BAIAP2: variants seen among roughly 807,000 people sequenced by gnomAD.
BAIAP2 encodes the protein BAR/IMD domain-containing adapter protein 2.
In BAIAP2, 18 loss-of-function variants were observed where a neutral mutation model predicts 63.0. That is an observed-to-expected ratio of 0.29 (90% CI 0.20 to 0.42). The LOEUF is 0.42. Ranked by LOEUF, BAIAP2 falls within the 10% of genes least tolerant of loss-of-function variation. The pLI is 1.00. For missense variants in BAIAP2, 610 were observed against 734.3 expected (o/e 0.83, Z 1.96); for synonymous variants, 386 against 307.6 (o/e 1.25, Z -2.67).
intron 1 of BAIAP2, among the ~76,000 whole-genome samples, chr17:81,048,356 C>CAAAAAAAAAAAA (rs5822388): frequency 1.1e-5 from 1 of 90,244 alleles, no homozygotes; most frequent in Non-Finnish European, 2.2e-5. Context: ...GACTCTGTCT[C>CAAAAAAAAAAAA]AAAAAAAAAA....
intron 2 of BAIAP2, among the ~76,000 whole-genome samples, chr17:81,055,631 T>C (rs1003021167): frequency 2.1e-5 from 3 of 144,290 alleles, no homozygotes; most frequent in Non-Finnish European, 4.5e-5. Flanking sequence ...AGTGGCGCTA[T>C]CTTGGCTCCC....
chr17:81,054,757 C>T (rs1005730498), intron 2 of BAIAP2, among the ~76,000 whole-genome samples: 28 of 152,118 alleles, frequency 1.8e-4, no homozygotes, highest in African/African-American at 4.8e-4. Flanking sequence ...CTCCCTGAGA[C>T]GCTTCCCATC....
chr17:81,105,961 A>G, intron 10 of BAIAP2, 117 bp from the exon 11 acceptor site: 1 of 852,232 alleles, frequency 1.2e-6, no homozygotes. Context: ...CTGTTGCTCC[A>G]GAGACAGCCG....
chr17:81,112,937 T>G (rs1336287261), intron 13 of BAIAP2, among the ~76,000 whole-genome samples: 1 of 152,020 alleles, frequency 6.6e-6, no homozygotes, highest in Non-Finnish European at 1.5e-5. Flanking sequence ...GCGTCTGTAG[T>G]CCCAGCTTCT....
chr17:81,095,802 C>T (rs755817698), intron 6 of BAIAP2, among the ~76,000 whole-genome samples: 1 of 152,164 alleles, frequency 6.6e-6, no homozygotes, highest in Non-Finnish European at 1.5e-5. Flanking sequence ...GTGCCACTCC[C>T]AGCCATTTAC....
chr17:81,110,201 C>A (rs991479521), intron 13 of BAIAP2: 9 of 985,602 alleles, frequency 9.1e-6, no homozygotes, highest in African/African-American at 1.7e-5. Context: ...CTCCCCGTGG[C>A]CTGGGACGTG....
At chr17:81,071,967 T>G (rs956480183) in intron 3 of BAIAP2, among the ~76,000 whole-genome samples, 5 of 152,220 alleles carry the variant, frequency 3.3e-5, no homozygotes, top group African/African-American at 1.2e-4. Context: ...TCTCCTCTCG[T>G]CCGTGATCAT....
At chr17:81,110,336 T>A (rs182439371) in intron 13 of BAIAP2, 3 of 986,364 alleles carry the variant, frequency 3.0e-6, no homozygotes, top group Admixed American at 6.1e-5. Context: ...CGCTAAAGAT[T>A]TCAAATCCAG....
In BAIAP2 at chr17:81,107,110, C is replaced by T. The variant is rs1348551473; in HGVS notation, c.1500+203C>T. On this transcript the variant is annotated intron_variant, in intron 12 of 13. Transcript: ENST00000428708. ...AGGCTGCCCGCCTCGCCGCAGCAGG[C>T]TCCCTGTGTCGGCATGCTGGGGCTG... 5 of 627,224 alleles carry T rather than the reference C, an allele frequency of 8.0e-6. No individual in the cohort carries two copies. The East Asian group carries it at 1.6e-4, about 21-fold the overall frequency. 38.9% of individuals were successfully genotyped at this position (627,224 alleles called of 1,614,324 possible).
intron 1 of BAIAP2, among the ~76,000 whole-genome samples, chr17:81,038,370 G>A (rs1011001831): frequency 1.3e-5 from 2 of 152,242 alleles, no homozygotes; most frequent in East Asian, 1.9e-4. Context: ...TGGCTCCCAG[G>A]TGACCCATGA....
chr17:81,050,171 G>A (rs949915023), intron 1 of BAIAP2, among the ~76,000 whole-genome samples: 1 of 152,210 alleles, frequency 6.6e-6, no homozygotes, highest in African/African-American at 2.4e-5. Flanking sequence ...GGATGCAGAT[G>A]CAGAAGGAGG....
chr17:81,117,280 G>GACA lies in BAIAP2; in HGVS notation c.*1445_*1447dup, dbSNP rs2146262996. On this transcript the variant is annotated 3_prime_UTR_variant, in exon 14 of 14. Coordinates refer to ENST00000428708, the MANE Select transcript of BAIAP2 (RefSeq NM_001144888.2). ...ACTTTATCATCGGCAGACCTCAGAAGACAACACACAAAGGTTTCTTTTGTC... is the reference window on the plus strand; with the variant it reads ...ACTTTATCATCGGCAGACCTCAGAAGACAACAACACACAAAGGTTTCTTTTGTC... 6.6e-6 allele frequency: 1 copy of GACA among 152,290 alleles called. No individual in the cohort carries two copies. The highest frequency in any genetic ancestry group is 6.5e-5 in the Admixed American group (1 of 15,308). 9.4% of individuals were successfully genotyped at this position (152,290 alleles called of 1,614,324 possible).
At chr17:81,061,162 C>T (rs35652394) in intron 3 of BAIAP2, among the ~76,000 whole-genome samples, 13,741 of 152,216 alleles carry the variant, frequency 0.09, 711 homozygotes, top group Non-Finnish European at 0.1. Context: ...ATTCTTATTA[C>T]GGAAGATGTG....
intron 6 of BAIAP2, among the ~76,000 whole-genome samples, chr17:81,089,652 G>A (rs924814567): frequency 6.6e-6 from 1 of 152,218 alleles, no homozygotes; most frequent in Non-Finnish European, 1.5e-5. Context: ...GAGGGAGGGG[G>A]TCGTGGCCTT....
intron 1 of BAIAP2, among the ~76,000 whole-genome samples, chr17:81,050,426 G>A (rs1389788304): frequency 6.6e-6 from 1 of 152,188 alleles, no homozygotes. Flanking sequence ...AAACCTTGGT[G>A]CTGCCCCGTG....
chr17:81,101,334 G>GA (rs1259539969), intron 7 of BAIAP2, among the ~76,000 whole-genome samples: 1 of 152,104 alleles, frequency 6.6e-6, no homozygotes, highest in Non-Finnish European at 1.5e-5. Flanking sequence ...CCCCTCCTAG[G>GA]AGGCTGACTT....
Position 81,085,699 on chromosome 17 carries a change from G to A in BAIAP2, c.325G>A (p.Val109Met). ...NELLTQLEQK[V>M]ELDSRYLSAA... ...GCTGCTTACGCAGCTGGAGCAGAAGGTGGAGCTGGACTCCAGGTATCTGAG... is the reference window on the plus strand; with the variant it reads ...GCTGCTTACGCAGCTGGAGCAGAAGATGGAGCTGGACTCCAGGTATCTGAG... Residue 109 changes from valine to methionine, a missense_variant, in exon 5 of 14, where the codon GTG becomes ATG. Transcript: ENST00000428708. 6.2e-7 allele frequency: 1 copy of A among 1,613,836 alleles called. No homozygotes were observed. Among genetic ancestry groups the A allele is most frequent in the Non-Finnish European group, 8.5e-7 (1 of 1,180,012 alleles).
chr17:81,035,299 T>C lies in BAIAP2; in HGVS notation c.45T>C (p.Asn15=), dbSNP rs768279798. The C allele has an allele frequency of 4.0e-6, 6 of 1,502,602 alleles. No homozygotes were observed. The East Asian group carries it at 1.4e-4, about 36-fold the overall frequency. The allele number at this position is 1,502,602 out of a possible 1,614,324, so 93.1% of individuals were successfully genotyped here. A position where few individuals can be genotyped will look rare whatever the true frequency, so the allele number is the denominator to read the frequency against. The change falls in exon 1 of 14, where the codon AAT becomes AAC. Residue 15 remains asparagine, a synonymous_variant. Transcript: ENST00000428708. ...RSEEMHRLTE[N]VYKTIMEQFN... ...AGGAGATGCACCGGCTCACGGAAAA[T>C]GTCTATAAGGTGAGCGCCCCCCGGC... is the stretch of plus-strand genomic sequence containing the variant.
At chr17:81,083,755 C>T (rs550463232) in intron 3 of BAIAP2, 7 of 152,246 alleles carry the variant, frequency 4.6e-5, no homozygotes, top group African/African-American at 1.2e-4. Flanking sequence ...CTGGCCTTGG[C>T]GGTCATGTCT....
Sources: allele counts gnomAD v4.1 joint callset (sites outside exome capture counted in the v4.1 genomes callset), GRCh38; gene constraint gnomAD v4.1.1; transcripts MANE v1.5; gene names NCBI Gene and HGNC (gene_info 2026-07-23, HGNC 2026-07-21).